SLC26A4: variants seen among roughly 807,000 people sequenced by gnomAD.
SLC26A4 encodes pendrin.
In SLC26A4, 93 loss-of-function variants were observed where a neutral mutation model predicts 90.4. The ratio of observed to expected loss-of-function variants is 1.03; its 90% CI spans 0.87 to 1.22. The LOEUF is 1.22. SLC26A4 is among the 50% of genes most tolerant of loss of function. SLC26A4 has a pLI of 0.00. For synonymous variants in SLC26A4, 393 were observed against 354.6 expected, an observed-to-expected ratio of 1.11 and a Z score of -1.22; for missense variants, 1,127 against 946.2, an observed-to-expected ratio of 1.19 and a Z score of -2.51.
intron 18 of SLC26A4, among the ~76,000 whole-genome samples, chr7:107,708,859 A>G (rs1193343101): frequency 6.6e-6 from 1 of 152,078 alleles, no homozygotes; most frequent in Non-Finnish European, 1.5e-5. Flanking sequence ...TGTTATGAGG[A>G]GAGCAAAGCT....
Position 107,694,445 on chromosome 7 carries a change from C to G in SLC26A4, c.1306C>G (p.Leu436Val). ...TGCTGCGATTGTGATGATCGCCATT[C>G]TTGCCCTGGGGAAGCTTCTGGAACC... The part of the protein sequence containing the change: ...ISAAIVMIAI[L>V]ALGKLLEPLQ... Residue 436 changes from leucine to valine, a missense_variant, in exon 11 of 21, where the codon CTT becomes GTT. By Grantham distance (32) the Leu-to-Val change is conservative (BLOSUM62 1). Coordinates refer to ENST00000644269, the MANE Select transcript of SLC26A4 (RefSeq NM_000441.2). 5 of 1,613,732 alleles carry G rather than the reference C, an allele frequency of 3.1e-6. No individual in the cohort carries two copies. The highest frequency in any genetic ancestry group is 4.2e-6 in the Non-Finnish European group (5 of 1,179,728).
chr7:107,691,564 TA>T (rs1791580725), intron 10 of SLC26A4, among the ~76,000 whole-genome samples: 1 of 150,294 alleles, frequency 6.7e-6, no homozygotes, highest in Non-Finnish European at 1.5e-5. Flanking sequence ...TATATATATA[TA>T]TTCTCATATA....
chr7:107,665,009 A>G (rs535264674), intron 3 of SLC26A4, among the ~76,000 whole-genome samples: 60 of 152,332 alleles, frequency 3.9e-4, no homozygotes, highest in African/African-American at 1.4e-3. Context: ...AAACAATTCA[A>G]TGTGATAAGG....
chr7:107,696,376 G>A (rs1050632651), intron 13 of SLC26A4, among the ~76,000 whole-genome samples: 11 of 152,162 alleles, frequency 7.2e-5, no homozygotes, highest in Non-Finnish European at 1.5e-4. Flanking sequence ...CCTTTTAGTT[G>A]TGGTAAGACT....
intron 12 of SLC26A4, among the ~76,000 whole-genome samples, chr7:107,695,551 G>T (rs1318476801): frequency 6.6e-6 from 1 of 152,220 alleles, no homozygotes; most frequent in Non-Finnish European, 1.5e-5. Context: ...GCTCAGGCCT[G>T]TAATCCCAGC....
intron 8 of SLC26A4, 79 bp from the exon 9 acceptor site, chr7:107,688,974 C>A (rs1054092671): frequency 2.4e-5 from 34 of 1,416,826 alleles, no homozygotes; most frequent in East Asian, 1.4e-4. Context: ...TGTGACTGAG[C>A]AGATATAGCA....
In SLC26A4 at chr7:107,698,069, C is replaced by T. The variant is rs1562837305; in HGVS notation, c.1572C>T (p.Ile524=). ...QFPSWNGLGS[I]PSTDIYKSTK... ...CTTCTTGGAATGGCCTTGGAAGCATCCCTAGCACAGATATCTACAAAAGTA... is the reference window on the plus strand; with the variant it reads ...CTTCTTGGAATGGCCTTGGAAGCATTCCTAGCACAGATATCTACAAAAGTA... The change falls in exon 14 of 21, where the codon ATC becomes ATT. Residue 524 remains isoleucine (I), a synonymous_variant. Transcript: ENST00000644269. 1.2e-6 allele frequency: 2 copies of T among 1,610,346 alleles called. No homozygotes were observed. Among genetic ancestry groups the T allele is most frequent in the African/African-American group, 2.7e-5 (2 of 74,946 alleles).
At chr7:107,709,986 C>CT in intron 18 of SLC26A4, 68 bp from the exon 19 acceptor site, 1 of 1,346,174 alleles carries the variant, frequency 7.4e-7, no homozygotes, top group Non-Finnish European at 1.1e-6. Context: ...GAATGAGACT[C>CT]TGTCTCAAAA....
intron 18 of SLC26A4, among the ~76,000 whole-genome samples, chr7:107,709,103 G>A (rs910474270): frequency 2.0e-5 from 3 of 152,172 alleles, no homozygotes; most frequent in Non-Finnish European, 4.4e-5. Flanking sequence ...TCAAAGACAT[G>A]GTTTCTGAAG....
At chr7:107,680,230 ACTTATTATATAATATAAT>A (rs1177928033) in intron 6 of SLC26A4, among the ~76,000 whole-genome samples, 27 of 124,150 alleles carry the variant, frequency 2.2e-4, no homozygotes, top group Non-Finnish European at 2.9e-4. Flanking sequence ...TATAATCTTA[ACTTATTATATAATATAAT>A]CTTATTATAT....
rs1282512549 is a variant in SLC26A4 at position 107,683,339 on chromosome 7, T to C, written c.903T>C (p.Pro301=). The C allele has an allele frequency of 8.7e-6, 14 of 1,613,690 alleles. No homozygotes were observed. The highest frequency in any genetic ancestry group is 1.3e-5 in the African/African-American group (1 of 74,914). The change falls in exon 7 of 21, where the codon CCT becomes CCC. Residue 301 remains proline, a synonymous_variant. Transcript: ENST00000644269. ...RFRHKIPVPI[P]IEVIVTIIAT... ...GACACAAAATCCCAGTCCCTATTCC[T>C]ATAGAAGTAATTGTGGTAAGTAGAA... is the stretch of plus-strand genomic sequence containing the variant.
At position 107,683,353 on chromosome 7, in the gene SLC26A4, T is replaced by G; in HGVS notation, c.917T>G (p.Val306Gly). ...IPVPIPIEVI[V>G]TIIATAISYG... Reference sequence around the variant, plus strand: ...GTCCCTATTCCTATAGAAGTAATTGTGGTAAGTAGAATATGTAGTTAGAAA... The same window carrying G: ...GTCCCTATTCCTATAGAAGTAATTGGGGTAAGTAGAATATGTAGTTAGAAA... Residue 306 changes from valine (V) to glycine (G), a missense_variant and splice_region_variant, in exon 7 of 21, where the codon GTG (valine) becomes GGG (glycine). Val to Gly is a moderately radical substitution (Grantham distance 109). Transcript: ENST00000644269. 1 of 1,613,572 alleles carries G rather than the reference T, an allele frequency of 6.2e-7. No homozygotes were observed.
intron 10 of SLC26A4, 51 bp downstream of exon 10, chr7:107,690,288 G>A (rs749894319): frequency 1.1e-5 from 12 of 1,100,444 alleles, no homozygotes; most frequent in Non-Finnish European, 1.5e-5. Flanking sequence ...GTCGAGGAAT[G>A]GCAACAGAGG....
chr7:107,702,116 G>A, intron 17 of SLC26A4, 59 bp downstream of exon 17: 1 of 1,126,530 alleles, frequency 8.9e-7, no homozygotes, highest in Non-Finnish European at 1.3e-6. Flanking sequence ...AAAATGATGT[G>A]GGTTGTCCAG....
At chr7:107,679,624 A>G (rs1791122167) in intron 6 of SLC26A4, among the ~76,000 whole-genome samples, 2 of 151,448 alleles carry the variant, frequency 1.3e-5, no homozygotes, top group East Asian at 1.9e-4. Context: ...ATAATAAAAT[A>G]TTATCTATTA....
At chr7:107,709,327 C>T (rs1031947812) in intron 18 of SLC26A4, among the ~76,000 whole-genome samples, 1 of 152,212 alleles carries the variant, frequency 6.6e-6, no homozygotes, top group African/African-American at 2.4e-5. Context: ...GGCTGGAGTG[C>T]AGTGGTGCAA....
intron 18 of SLC26A4, among the ~76,000 whole-genome samples, chr7:107,708,238 A>G (rs1179284916): frequency 6.6e-6 from 1 of 152,196 alleles, no homozygotes; most frequent in Non-Finnish European, 1.5e-5. Context: ...TTTTCATGAT[A>G]TTTATCTTCT....
intron 14 of SLC26A4, 97 bp downstream of exon 14, chr7:107,698,208 G>A (rs528155501): frequency 1.2e-6 from 1 of 818,726 alleles, no homozygotes; most frequent in Non-Finnish European, 2.1e-6. Flanking sequence ...GGGAGAAAAT[G>A]CCTATTGGGA....
chr7:107,714,902 C>A lies in SLC26A4; in HGVS notation c.2320-521C>A, dbSNP rs184126260. Among the ~76,000 whole-genome samples the A allele has an allele frequency of 1.0e-3, 156 of 151,932 alleles. 2 individuals carry two copies. Among genetic ancestry groups the A allele is most frequent in the Admixed American group, 7.9e-4 (12 of 15,252 alleles). On this transcript the variant is annotated intron_variant, in intron 20 of 20. Transcript: ENST00000644269. ...TAGTAAGTGCTCAATAAATAGTAAT[C>A]ATTGCTCTTAAATAAATCCAATTAA...
Sources: gnomAD v4.1 joint callset for allele counts (sites outside exome capture counted in the v4.1 genomes callset) on GRCh38, gnomAD v4.1.1 for gene constraint, MANE v1.5 for transcripts, NCBI Gene and HGNC (gene_info 2026-07-23, HGNC 2026-07-21) for gene names.